Variants in MAN2A1 observed in about 807,000 individuals in gnomAD.
MAN2A1 encodes the protein alpha-mannosidase 2.
A neutral mutation model predicts 142.6 loss-of-function variants in MAN2A1; 76 were observed. That is an observed-to-expected ratio of 0.53 (90% CI 0.44 to 0.65). The LOEUF (loss-of-function observed/expected upper bound fraction) is 0.65. Ranked by LOEUF, MAN2A1 falls within the 30% of genes least tolerant of loss-of-function variation. The pLI, the probability that MAN2A1 is intolerant of heterozygous loss-of-function variation, is 0.00. For missense variants in MAN2A1, 1,311 were observed against 1,365.1 expected (o/e 0.96, Z 0.62); for synonymous variants, 559 against 473.2 (o/e 1.18, Z -2.35).
chr5:109,703,109 T>G (rs571965721), intron 1 of MAN2A1, among the ~76,000 whole-genome samples: 1 of 152,348 alleles, frequency 6.6e-6, no homozygotes, highest in East Asian at 1.9e-4. Context: ...TTTCCAAAAC[T>G]ATTTCTGTAT....
intron 12 of MAN2A1, among the ~76,000 whole-genome samples, chr5:109,804,862 T>C (rs557838627): frequency 3.3e-5 from 5 of 152,324 alleles, no homozygotes; most frequent in Admixed American, 2.6e-4. Context: ...AACAGTCTTA[T>C]TTTACTTTGT....
intron 8 of MAN2A1, among the ~76,000 whole-genome samples, chr5:109,776,492 G>A (rs1391633667): frequency 6.6e-6 from 1 of 152,082 alleles, no homozygotes; most frequent in Non-Finnish European, 1.5e-5. Context: ...TTACTAGGAA[G>A]TGATTTTGGT....
At chr5:109,699,723 A>G in intron 1 of MAN2A1, 1 of 158,382 alleles carries the variant, frequency 6.3e-6, no homozygotes. Flanking sequence ...GGAGGGGCTC[A>G]CATAGAGTGG....
At chr5:109,820,939 A>G (rs1754606418) in intron 15 of MAN2A1, among the ~76,000 whole-genome samples, 1 of 152,226 alleles carries the variant, frequency 6.6e-6, no homozygotes, top group Non-Finnish European at 1.5e-5. Flanking sequence ...TTTTATACAG[A>G]CACAAAACCT....
intron 1 of MAN2A1, among the ~76,000 whole-genome samples, chr5:109,710,560 A>G (rs537445832): frequency 2.6e-5 from 4 of 151,860 alleles, no homozygotes; most frequent in African/African-American, 4.8e-5. Flanking sequence ...GTTGGAGTGC[A>G]GTGATGCGAT....
At chr5:109,802,587 A>G (rs1482227399) in intron 12 of MAN2A1, among the ~76,000 whole-genome samples, 2 of 152,162 alleles carry the variant, frequency 1.3e-5, no homozygotes, top group African/African-American at 2.4e-5. Flanking sequence ...GATTGTTACT[A>G]TCATCCATAC....
At chr5:109,690,615 G>A in intron 1 of MAN2A1, 63 bp downstream of exon 1, 1 of 1,517,902 alleles carries the variant, frequency 6.6e-7, no homozygotes, top group South Asian at 1.2e-5. Flanking sequence ...CCTGGTTAGC[G>A]GCTGCTACCC....
rs202049203 is a variant in MAN2A1, at chr5:109,845,849, T to G, written c.2701-16T>G. 1,204 of 1,600,822 alleles carry G rather than the reference T, an allele frequency of 7.5e-4. 2 individuals are homozygous for G. Among genetic ancestry groups the G allele is most frequent in the Middle Eastern group, 4.2e-3 (25 of 6,008 alleles). The stretch of plus-strand genomic sequence containing the variant: ...TAAATATCACTTTTTGTAGATGGAA[T>G]TGTTGTGTTTTATAGATTCAACCTA... On this transcript the variant is annotated splice_polypyrimidine_tract_variant and intron_variant, in intron 17 of 21. Coordinates refer to ENST00000261483, the MANE Select transcript of MAN2A1 (RefSeq NM_002372.4).
At chr5:109,783,653 G>C (rs951642079) in intron 9 of MAN2A1, among the ~76,000 whole-genome samples, 1 of 151,910 alleles carries the variant, frequency 6.6e-6, no homozygotes, top group Non-Finnish European at 1.5e-5. Context: ...TTTTCAAGTT[G>C]CCTTGATTCT....
intron 16 of MAN2A1, among the ~76,000 whole-genome samples, chr5:109,825,199 T>A (rs752790478): frequency 6.6e-6 from 1 of 152,212 alleles, no homozygotes; most frequent in Non-Finnish European, 1.5e-5. Flanking sequence ...TTAATACCCC[T>A]GAGAGCTCTA....
Position 109,716,140 on chromosome 5 carries a change from A to G in MAN2A1, c.411A>G (p.Leu137=), listed in dbSNP as rs1052859995. 7.5e-6 allele frequency: 12 copies of G among 1,608,814 alleles called. No individual in the cohort carries two copies. Among genetic ancestry groups the G allele is most frequent in the East Asian group, 2.2e-5 (1 of 44,798 alleles). ...TTTAGATGTTGGATGTTTACAGTCT[A>G]ATTTCTTTTGACAATCCAGATGGTG... ...SDVQMLDVYS[L]ISFDNPDGGV... Residue 137 remains leucine (L), a synonymous_variant, in exon 3 of 22, where the codon CTA becomes CTG. Coordinates refer to ENST00000261483, the MANE Select transcript of MAN2A1 (RefSeq NM_002372.4).
intron 12 of MAN2A1, among the ~76,000 whole-genome samples, chr5:109,793,543 G>A (rs150611661): frequency 3.3e-4 from 50 of 152,200 alleles, no homozygotes; most frequent in African/African-American, 1.1e-3. Context: ...ATTCTCCTCA[G>A]GTGGTTCTTT....
At chr5:109,840,849 G>A (rs909989622) in intron 16 of MAN2A1, among the ~76,000 whole-genome samples, 3 of 151,904 alleles carry the variant, frequency 2.0e-5, no homozygotes, top group African/African-American at 7.3e-5. Flanking sequence ...GATCACGGGT[G>A]CCAGCCCCGA....
chr5:109,710,020 A>G (rs1409387597), intron 1 of MAN2A1, among the ~76,000 whole-genome samples: 1 of 152,180 alleles, frequency 6.6e-6, no homozygotes, highest in African/African-American at 2.4e-5. Flanking sequence ...TTTGCTTATG[A>G]GGGTGTTCAT....
chr5:109,690,971 C>T lies in MAN2A1; in HGVS notation c.135+419C>T, dbSNP rs555279363. Among the ~76,000 whole-genome samples the T allele has an allele frequency of 3.1e-3, 467 of 152,290 alleles. 4 individuals carry two copies. The highest frequency in any genetic ancestry group is 0.01 in the African/African-American group (429 of 41,572). ...CCCGCACCAGCCCAGAGCCCCTGAG[C>T]GCACGGAGTCGCGGAAATGGATCAA... On this transcript the variant is annotated intron_variant, in intron 1 of 21. Transcript: ENST00000261483.
At chr5:109,786,809 C>A (rs1329528889) in intron 10 of MAN2A1, among the ~76,000 whole-genome samples, 1 of 151,930 alleles carries the variant, frequency 6.6e-6, no homozygotes, top group African/African-American at 2.4e-5. Context: ...ATTAGGGGTG[C>A]ATTTGGCTGC....
At chr5:109,742,882 C>A (rs570702843) in intron 4 of MAN2A1, among the ~76,000 whole-genome samples, 2 of 152,296 alleles carry the variant, frequency 1.3e-5, no homozygotes, top group Non-Finnish European at 2.9e-5. Flanking sequence ...TATGTTCTAT[C>A]CCTACCTTTT....
chr5:109,773,449 T>A (rs568764247), intron 7 of MAN2A1, among the ~76,000 whole-genome samples: 1 of 152,276 alleles, frequency 6.6e-6, no homozygotes, highest in African/African-American at 2.4e-5. Flanking sequence ...ATATATTTGA[T>A]TATTTTTACT....
At position 109,787,417 on chromosome 5, in the gene MAN2A1, A is replaced by AT. The variant is rs568642856; in HGVS notation, c.1761-1515dup. Among the ~76,000 whole-genome samples the AT allele has an allele frequency of 2.3e-3, 347 of 152,148 alleles. 1 individual carries two copies. Among genetic ancestry groups the AT allele is most frequent in the Admixed American group, 0.011 (175 of 15,240 alleles). ...TAATAGGATAAGTGTATGTTTGGAA[A>AT]TTAGAGGCCCTGAAAAAAATCCTGT... On this transcript the variant is annotated intron_variant, in intron 10 of 21. Coordinates refer to ENST00000261483, the MANE Select transcript of MAN2A1 (RefSeq NM_002372.4).
Sources: allele counts gnomAD v4.1 joint callset (sites outside exome capture counted in the v4.1 genomes callset), GRCh38; gene constraint gnomAD v4.1.1; transcripts MANE v1.5; gene names NCBI Gene and HGNC (gene_info 2026-07-23, HGNC 2026-07-21).